POLR1D: variants seen among roughly 807,000 people sequenced by gnomAD.
POLR1D encodes the protein DNA-directed RNA polymerases I and III subunit RPAC2.
In POLR1D, 8 loss-of-function variants were observed where a neutral mutation model predicts 10.8. That is an observed-to-expected ratio of 0.74 (90% CI 0.43 to 1.33). The LOEUF (loss-of-function observed/expected upper bound fraction) is 1.33, where lower values mean the gene tolerates loss of function less well. Among genes scored for constraint, POLR1D ranks in the 40% most tolerant of loss-of-function variants. POLR1D has a pLI of 0.01. For synonymous variants in POLR1D, 54 were observed against 57.2 expected, an observed-to-expected ratio of 0.94 and a Z score of 0.25; for missense variants, 152 against 161.7, an observed-to-expected ratio of 0.94 and a Z score of 0.32.
chr13:27,653,488 T>A (rs1956284647), intron 2 of POLR1D, among the ~76,000 whole-genome samples: 1 of 152,144 alleles, frequency 6.6e-6, no homozygotes, highest in African/African-American at 2.4e-5. Context: ...GACTAGGATG[T>A]GAAATTACAC....
At chr13:27,662,207 T>C (rs1269241442) in intron 2 of POLR1D, among the ~76,000 whole-genome samples, 1 of 152,160 alleles carries the variant, frequency 6.6e-6, no homozygotes, top group Non-Finnish European at 1.5e-5. Flanking sequence ...TATTAGCCTA[T>C]TTGAGAGCTA....
In POLR1D at chr13:27,663,671, C is replaced by G. The variant is rs1345728198; in HGVS notation, c.102-2015C>G. 3.9e-5 allele frequency among the ~76,000 whole-genome samples: 6 copies of G among 152,120 alleles called. No individual in the cohort carries two copies. The highest frequency in any genetic ancestry group is 1.4e-4 in the African/African-American group (6 of 41,430). On this transcript the variant is annotated intron_variant, in intron 2 of 2. Coordinates refer to the POLR1D transcript ENST00000399697. The surrounding 1 kb of genome is among the most constrained non-coding windows in gnomAD (Gnocchi z 4.1). The stretch of plus-strand genomic sequence containing the variant: ...TAGAGTGGAATTCACCAGTAGTTAC[C>G]AAAGGTTTTGTTCTGAGATCCTGGA...
intron 1 of POLR1D, among the ~76,000 whole-genome samples, chr13:27,632,076 TTC>T (rs1006717149): frequency 6.6e-6 from 1 of 152,214 alleles, no homozygotes; most frequent in Non-Finnish European, 1.5e-5. Context: ...CATTTTTGTC[TTC>T]TCTGTGTCCT....
intron 1 of POLR1D, among the ~76,000 whole-genome samples, chr13:27,638,900 T>TA (rs927349402): frequency 3.0e-4 from 46 of 152,044 alleles, no homozygotes; most frequent in African/African-American, 1.1e-3. Flanking sequence ...TCTCCCTCAT[T>TA]AAAAAAAAGC....
chr13:27,664,559 A>T (rs1956396816), intron 2 of POLR1D: 1 of 152,254 alleles, frequency 6.6e-6, no homozygotes, highest in African/African-American at 2.4e-5. Flanking sequence ...TATTTGCAGC[A>T]GGAGGTATTT....
intron 1 of POLR1D, among the ~76,000 whole-genome samples, chr13:27,636,291 A>G (rs1956123512): frequency 6.6e-6 from 1 of 152,212 alleles, no homozygotes; most frequent in African/African-American, 2.4e-5. Context: ...CAAAAACCAG[A>G]TATTATTTAG....
intron 1 of POLR1D, among the ~76,000 whole-genome samples, chr13:27,630,166 C>A (rs1003881433): frequency 2.0e-5 from 3 of 152,152 alleles, no homozygotes; most frequent in African/African-American, 7.2e-5. Flanking sequence ...CCGCCTCCGG[C>A]TCCCAAAGTG....
downstream of POLR1D, among the ~76,000 whole-genome samples, chr13:27,624,614 A>T (rs962144233): frequency 6.6e-6 from 1 of 152,132 alleles, no homozygotes. Context: ...TTAAAAAAAA[A>T]TTGTGAGGCT....
chr13:27,667,123 C>T (rs1044761953), exon 3 of POLR1D: 4 of 152,318 alleles, frequency 2.6e-5, no homozygotes, highest in East Asian at 3.9e-4. Flanking sequence ...TGCTGTGTCA[C>T]GCCCTCAGCC....
chr13:27,655,450 T>G (rs550782), intron 2 of POLR1D, among the ~76,000 whole-genome samples: 75,185 of 151,578 alleles, frequency 0.5, 20,937 homozygotes, highest in East Asian at 0.81. Context: ...TTTATAGTGG[T>G]TGCCTTTTGT....
At chr13:27,622,490 T>C (rs1258515796) in intron 1 of POLR1D, 1 of 301,016 alleles carries the variant, frequency 3.3e-6, no homozygotes, top group Non-Finnish European at 6.2e-6. Context: ...ATCTGTATCC[T>C]CTATTTTTAT....
chr13:27,641,003 C>T lies in POLR1D; in HGVS notation c.27-7376C>T, dbSNP rs17369336. ...TACAATGTAAATTCTAAGTAAATAGCTCTTATTCCGTATTGGTTTTTATTT... is the reference window on the plus strand; with the variant it reads ...TACAATGTAAATTCTAAGTAAATAGTTCTTATTCCGTATTGGTTTTTATTT... On this transcript the variant is annotated intron_variant, in intron 1 of 2. Coordinates refer to the POLR1D transcript ENST00000399697. Among the ~76,000 whole-genome samples the T allele has an allele frequency of 6.0e-3, 917 of 152,078 alleles. 8 individuals carry two copies. The highest frequency in any genetic ancestry group is 0.021 in the African/African-American group (877 of 41,472).
chr13:27,626,348 A>G (rs1042427846), downstream of POLR1D, among the ~76,000 whole-genome samples: 1 of 152,220 alleles, frequency 6.6e-6, no homozygotes, highest in Admixed American at 6.5e-5. Context: ...TCACAACTTC[A>G]TTGCACCTAA....
rs1258914217 is a variant in POLR1D, at chr13:27,663,322, C to G, written c.102-2364C>G. ...TTTCAAACCCCACCTCCACCCCACCCCAGTAAACCAAGATCTCCTCAGGCC... is the reference window on the plus strand; with the variant it reads ...TTTCAAACCCCACCTCCACCCCACCGCAGTAAACCAAGATCTCCTCAGGCC... On this transcript the variant is annotated intron_variant, in intron 2 of 2. Transcript: ENST00000399697. The surrounding 1 kb of genome is among the most constrained non-coding windows in gnomAD (Gnocchi z 4.1). Among the ~76,000 whole-genome samples the G allele has an allele frequency of 1.3e-5, 2 of 152,148 alleles. No homozygotes were observed. Among genetic ancestry groups the G allele is most frequent in the African/African-American group, 4.8e-5 (2 of 41,440 alleles).
Position 27,665,741 on chromosome 13 carries a change from AAC to A in POLR1D, c.161_162del (p.Thr54IlefsTer5). 1 of 1,613,790 alleles carries A rather than the reference AAC, an allele frequency of 6.2e-7. No individual in the cohort carries two copies. The highest frequency in any genetic ancestry group is 8.5e-7 in the Non-Finnish European group (1 of 1,179,632). ...AAGATTTCTAATTAACACAATTAAA[AAC>A]ACATTGCCCTCTCATAAAGAGCAAG... is the stretch of plus-strand genomic sequence containing the variant. On this transcript the variant is annotated frameshift_variant, in exon 3 of 3. Coordinates refer to the POLR1D transcript ENST00000399697. LOFTEE classifies it low-confidence loss of function (END_TRUNC).
intron 1 of POLR1D, among the ~76,000 whole-genome samples, chr13:27,635,689 AAAGT>A: frequency 9.0e-6 from 1 of 111,298 alleles, no homozygotes; most frequent in South Asian, 3.7e-4. Context: ...CTATAGTTAC[AAAGT>A]AACTATATAT....
In POLR1D at chr13:27,632,902, A is replaced by G. The variant is rs142135996; in HGVS notation, c.26+10893A>G. ...TGTTTATCAAATGAATGAATAGCAG[A>G]TTGACTCTGTATTGTTTTTACATTA... On this transcript the variant is annotated intron_variant, in intron 1 of 2. Transcript: ENST00000399697. Among the ~76,000 whole-genome samples, 160 of 152,328 alleles carry G rather than the reference A, an allele frequency of 1.1e-3. 2 individuals are homozygous for G. The highest frequency in any genetic ancestry group is 1.9e-3 in the South Asian group (9 of 4,832).
At chr13:27,644,399 G>A (rs939486838) in intron 1 of POLR1D, among the ~76,000 whole-genome samples, 5 of 152,124 alleles carry the variant, frequency 3.3e-5, no homozygotes, top group Non-Finnish European at 7.4e-5. Flanking sequence ...ATTCCTACTT[G>A]GGTTTTATTT....
chr13:27,634,585 T>A (rs1477786544), intron 1 of POLR1D, among the ~76,000 whole-genome samples: 2 of 152,048 alleles, frequency 1.3e-5, no homozygotes, highest in Non-Finnish European at 2.9e-5. Context: ...AAAAGGCAAC[T>A]GAGACCTGGG....
Sources: allele counts gnomAD v4.1 joint callset (sites outside exome capture counted in the v4.1 genomes callset), GRCh38; gene constraint gnomAD v4.1.1; non-coding constraint Gnocchi (gnomAD v3.1); transcripts MANE v1.5; gene names NCBI Gene and HGNC (gene_info 2026-07-23, HGNC 2026-07-21).